Variants in HACD3 observed in about 807,000 individuals in gnomAD.
The protein encoded by HACD3 is very-long-chain (3R)-3-hydroxyacyl-CoA dehydratase 3.
HACD3 carries 30 observed loss-of-function variants against 55.2 expected under a neutral mutation model. The ratio of observed to expected loss-of-function variants is 0.54; its 90% confidence interval spans 0.41 to 0.74. The LOEUF (loss-of-function observed/expected upper bound fraction) is 0.74. Ranked by LOEUF, HACD3 falls within the 30% of genes least tolerant of loss-of-function variation. The pLI is 0.00. For synonymous variants in HACD3, 141 were observed against 151.7 expected (o/e 0.93, Z 0.52); for missense variants, 363 against 440.1 (o/e 0.82, Z 1.57).
intron 2 of HACD3, 57 bp from the exon 3 acceptor site, chr15:65,554,830 T>C: frequency 7.7e-7 from 1 of 1,304,646 alleles, no homozygotes; most frequent in Non-Finnish European, 1.1e-6. Context: ...CCAAGCTGGC[T>C]TTTGGATGGC....
chr15:65,532,182 C>T (rs563333357), intron 1 of HACD3, among the ~76,000 whole-genome samples: 7 of 152,228 alleles, frequency 4.6e-5, no homozygotes, highest in African/African-American at 1.4e-4. Flanking sequence ...TGAGGCTATA[C>T]TTTTGGGTCA....
At chr15:65,565,689 A>G (rs1482840757) in intron 7 of HACD3, 1 of 152,218 alleles carries the variant, frequency 6.6e-6, no homozygotes, top group African/African-American at 2.4e-5. Flanking sequence ...GATGGGAGGG[A>G]CTGCCATGAA....
At position 65,530,486 on chromosome 15, in the gene HACD3, G is replaced by A; in HGVS notation, c.-146G>A. ...GCGTCACTGCGCAGGCGCGGCCCGC[G>A]AGCGTGGGGTATCTCGAGGTGCCGG... On this transcript the variant is annotated 5_prime_UTR_variant, in exon 1 of 11. Coordinates refer to ENST00000261875, the MANE Select transcript of HACD3 (RefSeq NM_016395.4). 1.5e-6 allele frequency: 1 copy of A among 650,142 alleles called. No individual in the cohort carries two copies. Among genetic ancestry groups the A allele is most frequent in the Non-Finnish European group, 2.4e-6 (1 of 416,872 alleles). 40.3% of individuals were successfully genotyped at this position (650,142 alleles called of 1,614,324 possible).
chr15:65,571,884 C>G (rs2072351741), intron 9 of HACD3, among the ~76,000 whole-genome samples: 1 of 152,210 alleles, frequency 6.6e-6, no homozygotes, highest in African/African-American at 2.4e-5. Flanking sequence ...TGCATGCTTC[C>G]CATTTGTATG....
intron 1 of HACD3, among the ~76,000 whole-genome samples, chr15:65,546,829 G>T (rs1485291238): frequency 6.6e-6 from 1 of 152,116 alleles, no homozygotes; most frequent in Non-Finnish European, 1.5e-5. Flanking sequence ...CAGAGTTTTG[G>T]GGTTCCCCGG....
chr15:65,564,432 A>C, intron 7 of HACD3, 90 bp downstream of exon 7: 1 of 1,455,294 alleles, frequency 6.9e-7, no homozygotes, highest in Non-Finnish European at 9.3e-7. Flanking sequence ...CATGCTGCTC[A>C]TAAAGACATA....
intron 1 of HACD3, among the ~76,000 whole-genome samples, chr15:65,537,945 AAAAAAAAAAAAAAATATATATAT>A (rs1372202464): frequency 2.6e-3 from 94 of 36,458 alleles, no homozygotes; most frequent in African/African-American, 5.8e-3. Context: ...AAAAAAAAAA[AAAAAAAAAAAAAAATATATATAT>A]ATATATATAT....
intron 7 of HACD3, among the ~76,000 whole-genome samples, chr15:65,569,699 C>T (rs960659382): frequency 6.6e-6 from 1 of 152,124 alleles, no homozygotes; most frequent in Non-Finnish European, 1.5e-5. Flanking sequence ...CGGAGCGAGA[C>T]CCCGTCTCGA....
intron 5 of HACD3, among the ~76,000 whole-genome samples, chr15:65,561,885 T>A (rs1321599573): frequency 2.6e-5 from 4 of 152,224 alleles, no homozygotes; most frequent in African/African-American, 9.6e-5. Context: ...AACCCGCTCC[T>A]GTGGTTTGAT....
chr15:65,576,578 TG>T lies in HACD3; in HGVS notation c.*200del. The T allele has an allele frequency of 1.6e-6, 1 of 622,440 alleles. No homozygotes were observed. Among genetic ancestry groups the T allele is most frequent in the East Asian group, 2.9e-5 (1 of 34,948 alleles). The allele number at this position is 622,440 out of a possible 1,614,324, so 38.6% of individuals were successfully genotyped here. ...TTGCATGACATGGATTCCTGATATC[TG>T]ATGAGAGGTTCATTCTTGTGTATTC... On this transcript the variant is annotated 3_prime_UTR_variant, in exon 11 of 11. Transcript: ENST00000261875.
intron 9 of HACD3, 66 bp downstream of exon 9, chr15:65,571,720 G>T: frequency 1.6e-6 from 2 of 1,241,182 alleles, no homozygotes; most frequent in Non-Finnish European, 2.3e-6. Flanking sequence ...TGAGAGACCA[G>T]TCCTTTCTTC....
Position 65,549,653 on chromosome 15 carries a change from A to G in HACD3, c.88-2023A>G, listed in dbSNP as rs186234377. Among the ~76,000 whole-genome samples the G allele has an allele frequency of 3.9e-3, 586 of 151,928 alleles. 2 individuals are homozygous for G. Among genetic ancestry groups the G allele is most frequent in the Non-Finnish European group, 6.3e-3 (425 of 67,974 alleles). On this transcript the variant is annotated intron_variant, in intron 1 of 10. Coordinates refer to ENST00000261875, the MANE Select transcript of HACD3 (RefSeq NM_016395.4). ...GCCCAAGACCCACCAAAGGTGTAAC[A>G]TGTAATAGGAAATCTTCTCCATAAA...
chr15:65,572,949 T>A (rs1322145848), intron 10 of HACD3, among the ~76,000 whole-genome samples: 4 of 144,326 alleles, frequency 2.8e-5, no homozygotes, highest in East Asian at 2.0e-4. Flanking sequence ...TAAATAAAAA[T>A]TAAAAAAAAA....
At chr15:65,540,095 C>T (rs1596204735) in intron 1 of HACD3, among the ~76,000 whole-genome samples, 2 of 152,008 alleles carry the variant, frequency 1.3e-5, no homozygotes, top group Non-Finnish European at 2.9e-5. Flanking sequence ...AAGCAAAATG[C>T]TAATGGATGT....
chr15:65,564,473 G>C, intron 7 of HACD3, 131 bp downstream of exon 7: 1 of 1,164,422 alleles, frequency 8.6e-7, no homozygotes. Context: ...AAAAGAAAGA[G>C]GTTTAATTGG....
At chr15:65,552,484 C>T (rs557648793) in intron 2 of HACD3, among the ~76,000 whole-genome samples, 7 of 152,070 alleles carry the variant, frequency 4.6e-5, no homozygotes, top group Middle Eastern at 3.4e-3. Context: ...TACAGGCATC[C>T]GCCACCACGT....
At chr15:65,553,657 A>C (rs530441371) in intron 2 of HACD3, among the ~76,000 whole-genome samples, 2 of 152,378 alleles carry the variant, frequency 1.3e-5, no homozygotes, top group African/African-American at 4.8e-5. Context: ...CATTTACATG[A>C]AAATTAAAGT....
intron 1 of HACD3, among the ~76,000 whole-genome samples, chr15:65,535,188 T>C (rs1402080446): frequency 4.6e-5 from 7 of 152,128 alleles, no homozygotes; most frequent in Non-Finnish European, 1.0e-4. Flanking sequence ...TTTATAATAT[T>C]GGAAAGGGGG....
At chr15:65,562,731 G>A in intron 5 of HACD3, 43 bp from the exon 6 acceptor site, 1 of 1,599,722 alleles carries the variant, frequency 6.3e-7, no homozygotes, top group Non-Finnish European at 8.5e-7. Context: ...CTCCTGCTGG[G>A]ACTATTGCTT....
Sources: allele counts gnomAD v4.1 joint callset (sites outside exome capture counted in the v4.1 genomes callset), GRCh38; gene constraint gnomAD v4.1.1; transcripts MANE v1.5; gene names NCBI Gene and HGNC (gene_info 2026-07-23, HGNC 2026-07-21).